Variants in RASA1 observed in about 807,000 individuals in gnomAD.
The protein encoded by RASA1 is ras GTPase-activating protein 1.
Under a neutral mutation model 132.2 loss-of-function variants are expected in RASA1, and 25 were observed. The ratio of observed to expected loss-of-function variants is 0.19; its 90% CI spans 0.14 to 0.26. RASA1 has a LOEUF of 0.26. Ranked by LOEUF, RASA1 falls within the 10% of genes least tolerant of loss-of-function variation. The probability of loss-of-function intolerance (pLI) is 1.00; values close to 1 mark genes in which losing one functional copy is unlikely to be tolerated. For synonymous variants in RASA1, 477 were observed against 449.9 expected (o/e 1.06, Z -0.76); for missense variants, 964 against 1,299.2 (o/e 0.74, Z 3.97).
intron 6 of RASA1, among the ~76,000 whole-genome samples, chr5:87,344,081 AG>A (rs1457869273): frequency 6.6e-6 from 1 of 152,136 alleles, no homozygotes; most frequent in Non-Finnish European, 1.5e-5. Context: ...GTAGCAGGGA[AG>A]GGGGGATACA....
intron 15 of RASA1, 189 bp from the exon 16 acceptor site, chr5:87,376,204 T>TCAGA: frequency 1.5e-6 from 1 of 663,516 alleles, no homozygotes; most frequent in South Asian, 1.9e-5. Context: ...TCTCTACCTA[T>TCAGA]CAGAGTTTAG....
At chr5:87,367,530 C>T (rs1760613896) in intron 11 of RASA1, among the ~76,000 whole-genome samples, 1 of 152,172 alleles carries the variant, frequency 6.6e-6, no homozygotes, top group South Asian at 2.1e-4. Context: ...AGTTGCACAG[C>T]TGTGCAATTT....
chr5:87,302,325 C>T (rs1176915381), intron 1 of RASA1, among the ~76,000 whole-genome samples: 1 of 151,636 alleles, frequency 6.6e-6, no homozygotes, highest in Non-Finnish European at 1.5e-5. Context: ...TTCATATGTT[C>T]ATTGGTCATT....
At chr5:87,271,193 C>T (rs1322635047) in intron 1 of RASA1, among the ~76,000 whole-genome samples, 4 of 152,006 alleles carry the variant, frequency 2.6e-5, no homozygotes. Context: ...AGCCGAGATC[C>T]TGCCATTGCA....
chr5:87,271,218 A>G (rs1029650634), intron 1 of RASA1, among the ~76,000 whole-genome samples: 12 of 152,142 alleles, frequency 7.9e-5, no homozygotes, highest in Admixed American at 3.9e-4. Flanking sequence ...AGCCTGGGCA[A>G]TAAGAGCTTA....
At position 87,268,578 on chromosome 5, in the gene RASA1, C is replaced by G. The variant is rs1268669506; in HGVS notation, c.127C>G (p.Pro43Ala). The change falls in exon 1 of 25, where the codon CCT becomes GCT. Residue 43 changes from proline to alanine, a missense_variant. By Grantham distance (27) the Pro-to-Ala change is conservative. Around this residue, in one of 6 missense-constraint regions of RASA1, gnomAD observed 326 missense variants for 275.8 expected, o/e 1.18. Transcript: ENST00000274376. ...TCGGGTGAAGATACCCGCGGCCCTGCCTGTGGCAGCCGCCCCCTATCCTGG... is the reference window on the plus strand; with the variant it reads ...TCGGGTGAAGATACCCGCGGCCCTGGCTGTGGCAGCCGCCCCCTATCCTGG... ...VCRVKIPAAL[P>A]VAAAPYPGLV... The G allele has an allele frequency of 1.2e-6, 2 of 1,608,960 alleles. No individual in the cohort carries two copies. The highest frequency in any genetic ancestry group is 2.7e-5 in the African/African-American group (2 of 75,020).
chr5:87,368,095 T>C (rs1231464934), intron 11 of RASA1, among the ~76,000 whole-genome samples: 4 of 152,156 alleles, frequency 2.6e-5, no homozygotes, highest in Admixed American at 2.0e-4. Context: ...ATTTAAACAG[T>C]TGTTCTGCCA....
intron 1 of RASA1, among the ~76,000 whole-genome samples, chr5:87,286,721 T>G (rs1196122709): frequency 6.6e-6 from 1 of 151,642 alleles, no homozygotes; most frequent in Non-Finnish European, 1.5e-5. Flanking sequence ...GTTTACAGAG[T>G]AGTGGCCTTC....
chr5:87,350,489 AT>A (rs1264353451), intron 8 of RASA1, among the ~76,000 whole-genome samples: 5 of 151,862 alleles, frequency 3.3e-5, no homozygotes, highest in African/African-American at 9.7e-5. Flanking sequence ...TAAAGATAAA[AT>A]AATTTACATG....
intron 1 of RASA1, among the ~76,000 whole-genome samples, chr5:87,270,822 C>T (rs1369971364): frequency 1.3e-5 from 2 of 152,004 alleles, no homozygotes; most frequent in African/African-American, 4.8e-5. Flanking sequence ...TTTATGCCAG[C>T]CAACGGGATG....
intron 1 of RASA1, among the ~76,000 whole-genome samples, chr5:87,304,939 C>CTTTTTTTTTTTTT (rs756572506): frequency 4.7e-5 from 3 of 64,394 alleles, no homozygotes; most frequent in Non-Finnish European, 6.5e-5. Flanking sequence ...TCTTTTAGTC[C>CTTTTTTTTTTTTT]TTTTTTTTTT....
At chr5:87,361,435 T>A (rs182965291) in intron 9 of RASA1, among the ~76,000 whole-genome samples, 1 of 152,280 alleles carries the variant, frequency 6.6e-6, no homozygotes, top group East Asian at 1.9e-4. Context: ...TCCCACAGCA[T>A]AACTTAGATT....
In RASA1 at chr5:87,310,349, G is replaced by C. The variant is rs369549552; in HGVS notation, c.540-20999G>C. 2.1e-4 allele frequency among the ~76,000 whole-genome samples: 32 copies of C among 152,226 alleles called. No homozygotes were observed. In the South Asian group the frequency reaches 6.6e-3, roughly 32 times the overall value. ...TATCATCAAAATATTTGCAAGCAAA[G>C]GAAAGATGCAAAGCTAGTAAGTTAA... is the stretch of plus-strand genomic sequence containing the variant. On this transcript the variant is annotated intron_variant, in intron 1 of 24. Coordinates refer to ENST00000274376, the MANE Select transcript of RASA1 (RefSeq NM_002890.3).
intron 1 of RASA1, among the ~76,000 whole-genome samples, chr5:87,324,309 A>C (rs759438183): frequency 6.6e-6 from 1 of 152,080 alleles, no homozygotes; most frequent in Non-Finnish European, 1.5e-5. Context: ...CTCTCTTTCA[A>C]CATTTGATCA....
chr5:87,348,585 A>G (rs1759028470), intron 7 of RASA1, among the ~76,000 whole-genome samples: 1 of 151,954 alleles, frequency 6.6e-6, no homozygotes, highest in African/African-American at 2.4e-5. Context: ...AGTTGTTTTG[A>G]ATCTACCTTT....
chr5:87,319,664 C>T (rs1437963492), intron 1 of RASA1, among the ~76,000 whole-genome samples: 1 of 152,200 alleles, frequency 6.6e-6, no homozygotes, highest in Non-Finnish European at 1.5e-5. Context: ...GCCCATGAAA[C>T]CATTTTTCCC....
chr5:87,274,960 G>A (rs1754002450), intron 1 of RASA1, among the ~76,000 whole-genome samples: 1 of 152,200 alleles, frequency 6.6e-6, no homozygotes, highest in African/African-American at 2.4e-5. Context: ...TGTCTGTAGT[G>A]ACTGAGGTAC....
At chr5:87,351,708 C>T (rs781561023) in intron 8 of RASA1, among the ~76,000 whole-genome samples, 4 of 151,506 alleles carry the variant, frequency 2.6e-5, no homozygotes, top group Non-Finnish European at 5.9e-5. Context: ...GGTGTTTCTG[C>T]GTAGAGTATA....
intron 1 of RASA1, among the ~76,000 whole-genome samples, chr5:87,278,909 C>CTTTTTTTTTT (rs58122450): frequency 1.5e-4 from 13 of 84,006 alleles, no homozygotes; most frequent in Admixed American, 7.3e-4. Context: ...CTAATTTGTT[C>CTTTTTTTTTT]TTTTTTTTTT....
Sources: allele counts gnomAD v4.1 joint callset (sites outside exome capture counted in the v4.1 genomes callset), GRCh38; gene constraint gnomAD v4.1.1; regional missense constraint gnomAD v4.1.1; transcripts MANE v1.5; gene names NCBI Gene and HGNC (gene_info 2026-07-23, HGNC 2026-07-21).